BBX: variants seen among roughly 807,000 people sequenced by gnomAD.
BBX encodes HMG box transcription factor BBX.
In BBX, 30 loss-of-function variants were observed where a neutral mutation model predicts 100.2. The ratio of observed to expected loss-of-function variants is 0.30; its 90% CI spans 0.22 to 0.41. BBX has a LOEUF of 0.41. Ranked by LOEUF, BBX falls within the 10% of genes least tolerant of loss-of-function variation. The probability of loss-of-function intolerance (pLI) is 1.00; values close to 1 mark genes in which losing one functional copy is unlikely to be tolerated. For missense variants in BBX, 1,023 were observed against 1,129.8 expected (o/e 0.91, Z 1.35); for synonymous variants, 376 against 388.1 (o/e 0.97, Z 0.37).
At chr3:107,655,669 C>A (rs1468073724) in intron 3 of BBX, among the ~76,000 whole-genome samples, 3 of 151,282 alleles carry the variant, frequency 2.0e-5, no homozygotes, top group Non-Finnish European at 4.4e-5. Context: ...AGGCGTGTGC[C>A]ACCACACCTG....
At chr3:107,587,516 T>C (rs2052945998) in intron 2 of BBX, among the ~76,000 whole-genome samples, 1 of 152,184 alleles carries the variant, frequency 6.6e-6, no homozygotes, top group Non-Finnish European at 1.5e-5. Flanking sequence ...GTTTTTCCAT[T>C]TGCTGGCTAC....
Position 107,791,412 on chromosome 3 carries a change from A to T in BBX, c.2353+113A>T, listed in dbSNP as rs1226897397. The T allele has an allele frequency of 1.1e-5, 9 of 820,238 alleles. No homozygotes were observed. The Admixed American group carries it at 2.1e-4, about 20-fold the overall frequency. The allele number at this position is 820,238 out of a possible 1,614,324, so 50.8% of individuals were successfully genotyped here. On this transcript the variant is annotated intron_variant, in intron 15 of 17. Coordinates refer to ENST00000325805, the MANE Select transcript of BBX (RefSeq NM_001142568.3). The stretch of plus-strand genomic sequence containing the variant: ...AGGTTTAAACAACAGCACTAGACTT[A>T]TGTGTTCATAATTAGGTTATTTTTA...
intron 2 of BBX, among the ~76,000 whole-genome samples, chr3:107,575,879 A>T (rs933783162): frequency 1.3e-5 from 2 of 152,120 alleles, no homozygotes; most frequent in South Asian, 4.1e-4. Context: ...GACAATGTAA[A>T]ATGTGTTGAG....
intron 3 of BBX, among the ~76,000 whole-genome samples, chr3:107,698,106 T>G (rs2108158070): frequency 6.6e-6 from 1 of 151,826 alleles, no homozygotes; most frequent in South Asian, 2.1e-4. Context: ...TGGCACTCCC[T>G]AGTGAGATGA....
In BBX at chr3:107,605,019, G is replaced by A. The variant is rs377614460; in HGVS notation, c.-83-40817G>A. ...CAGAGTTAAGAATTTACTTGACTGC[G>A]TAGCTTATTTTAATGTTTGTATTCA... On this transcript the variant is annotated intron_variant, in intron 2 of 17. Transcript: ENST00000325805. Among the ~76,000 whole-genome samples the A allele has an allele frequency of 2.5e-3, 377 of 152,154 alleles. 1 individual carries two copies. Among genetic ancestry groups the A allele is most frequent in the African/African-American group, 2.6e-3 (109 of 41,500 alleles).
intron 2 of BBX, among the ~76,000 whole-genome samples, chr3:107,644,948 C>T (rs975545526): frequency 5.3e-5 from 8 of 151,984 alleles, no homozygotes; most frequent in Non-Finnish European, 8.8e-5. Flanking sequence ...GAAAAAAAAA[C>T]TTAAGCTAAG....
intron 8 of BBX, among the ~76,000 whole-genome samples, chr3:107,746,269 G>A (rs2064591850): frequency 6.6e-6 from 1 of 152,072 alleles, no homozygotes; most frequent in African/African-American, 2.4e-5. Flanking sequence ...TCTGAAATAA[G>A]TTGTACTGAG....
At chr3:107,536,521 C>G (rs2048504158) in intron 2 of BBX, among the ~76,000 whole-genome samples, 2 of 152,222 alleles carry the variant, frequency 1.3e-5, no homozygotes, top group South Asian at 2.1e-4. Context: ...AGGCGCTCGT[C>G]TTTTGTTTGT....
intron 3 of BBX, among the ~76,000 whole-genome samples, chr3:107,665,337 T>C (rs1192169898): frequency 6.6e-6 from 1 of 152,358 alleles, no homozygotes; most frequent in South Asian, 2.1e-4. Flanking sequence ...TCATTTCTTC[T>C]TGAGCTTTAC....
chr3:107,700,352 T>A (rs1231763432), intron 3 of BBX, among the ~76,000 whole-genome samples: 3 of 149,858 alleles, frequency 2.0e-5, no homozygotes, highest in Non-Finnish European at 3.0e-5. Flanking sequence ...TTTGGGAGGG[T>A]TCAGGAAAAT....
intron 7 of BBX, among the ~76,000 whole-genome samples, chr3:107,738,580 G>A (rs1306383197): frequency 6.6e-6 from 1 of 152,146 alleles, no homozygotes; most frequent in Non-Finnish European, 1.5e-5. Flanking sequence ...AACAGCCCAC[G>A]ATGGTGAGGC....
intron 2 of BBX, among the ~76,000 whole-genome samples, chr3:107,553,773 C>T (rs1411778442): frequency 1.3e-5 from 2 of 152,186 alleles, no homozygotes. Flanking sequence ...TAATTTTACA[C>T]AAAAGGTATG....
chr3:107,549,734 T>G (rs2049519333), intron 2 of BBX, among the ~76,000 whole-genome samples: 1 of 152,198 alleles, frequency 6.6e-6, no homozygotes, highest in Non-Finnish European at 1.5e-5. Flanking sequence ...GCCATGTGCA[T>G]TCCTTGCAGC....
intron 5 of BBX, among the ~76,000 whole-genome samples, chr3:107,718,275 AT>A (rs2062259370): frequency 6.9e-6 from 1 of 144,652 alleles, no homozygotes; most frequent in Admixed American, 7.0e-5. Context: ...TGATTATAAT[AT>A]GATTGTTAAT....
At chr3:107,787,861 A>C (rs1446681853) in intron 13 of BBX, among the ~76,000 whole-genome samples, 3 of 152,178 alleles carry the variant, frequency 2.0e-5, no homozygotes, top group African/African-American at 7.2e-5. Flanking sequence ...TAGGCAAGGT[A>C]ATGGCTGGTT....
chr3:107,764,086 G>A (rs1196012260), intron 10 of BBX, among the ~76,000 whole-genome samples: 1 of 152,124 alleles, frequency 6.6e-6, no homozygotes, highest in Non-Finnish European at 1.5e-5. Flanking sequence ...TCTGCCTCCT[G>A]GGTTCAAGCG....
intron 2 of BBX, among the ~76,000 whole-genome samples, chr3:107,573,914 C>T (rs1407575111): frequency 6.6e-6 from 1 of 152,072 alleles, no homozygotes; most frequent in Non-Finnish European, 1.5e-5. Flanking sequence ...GCCGGGAGAC[C>T]GGGTTTCTCC....
chr3:107,736,755 C>G (rs2063658993), intron 7 of BBX, among the ~76,000 whole-genome samples: 1 of 152,054 alleles, frequency 6.6e-6, no homozygotes, highest in Non-Finnish European at 1.5e-5. Flanking sequence ...TATACAACAA[C>G]TTGGATTGAT....
chr3:107,619,032 G>A (rs1312607210), intron 2 of BBX, among the ~76,000 whole-genome samples: 1 of 151,764 alleles, frequency 6.6e-6, no homozygotes, highest in Non-Finnish European at 1.5e-5. Context: ...TTCTCCTTTC[G>A]GTTCTATAAG....
Sources: allele counts gnomAD v4.1 joint callset (sites outside exome capture counted in the v4.1 genomes callset), GRCh38; gene constraint gnomAD v4.1.1; transcripts MANE v1.5; gene names NCBI Gene and HGNC (gene_info 2026-07-23, HGNC 2026-07-21).